The following GRM1 variants were observed in gnomAD, a reference collection of about 807,000 sequenced individuals.
The protein encoded by GRM1 is glutamate metabotropic receptor 1, also known as metabotropic glutamate receptor 1.
GRM1 carries 33 observed loss-of-function variants against 90.9 expected under a neutral mutation model. The observed-to-expected ratio is 0.36, with a 90% CI of 0.28 to 0.49. The LOEUF (loss-of-function observed/expected upper bound fraction) is 0.49, where lower values mean the gene tolerates loss of function less well. GRM1 is among the 20% of genes least tolerant of loss of function. The pLI, the probability that GRM1 is intolerant of heterozygous loss-of-function variation, is 0.99. For missense variants in GRM1, 1,190 were observed against 1,534.3 expected, an observed-to-expected ratio of 0.78 and a Z score of 3.75; for synonymous variants, 700 against 613.2, an observed-to-expected ratio of 1.14 and a Z score of -2.09.
At chr6:146,073,668 T>G in intron 1 of GRM1, among the ~76,000 whole-genome samples, 1 of 152,024 alleles carries the variant, frequency 6.6e-6, no homozygotes, top group East Asian at 1.9e-4. Flanking sequence ...AAACTGGTAA[T>G]GATGGGGGAA....
intron 3 of GRM1, among the ~76,000 whole-genome samples, chr6:146,325,399 A>G (rs1469923531): frequency 4.6e-5 from 7 of 152,236 alleles, no homozygotes; most frequent in African/African-American, 1.7e-4. Context: ...CTTTTCTAAC[A>G]AGAGATTGTT....
intron 3 of GRM1, among the ~76,000 whole-genome samples, chr6:146,311,028 G>A (rs1215262368): frequency 6.6e-6 from 1 of 152,208 alleles, no homozygotes; most frequent in African/African-American, 2.4e-5. Context: ...GTAATCCATG[G>A]AGCAATAGTT....
intron 5 of GRM1, among the ~76,000 whole-genome samples, chr6:146,386,305 G>A (rs542842896): frequency 6.6e-6 from 1 of 152,130 alleles, no homozygotes; most frequent in East Asian, 1.9e-4. Flanking sequence ...TTTGCTACCA[G>A]TACTTGTTAT....
intron 2 of GRM1, among the ~76,000 whole-genome samples, chr6:146,217,689 T>C (rs1255687629): frequency 6.6e-6 from 1 of 152,154 alleles, no homozygotes; most frequent in African/African-American, 2.4e-5. Context: ...TTTTGTGTGT[T>C]TTCAGCAAGA....
At chr6:146,415,337 T>A (rs1339183894) in intron 7 of GRM1, among the ~76,000 whole-genome samples, 3 of 152,184 alleles carry the variant, frequency 2.0e-5, no homozygotes, top group African/African-American at 7.2e-5. Context: ...ATCATCACAC[T>A]GGGAGTTAGG....
chr6:146,077,814 A>G (rs912832084), intron 1 of GRM1, among the ~76,000 whole-genome samples: 7 of 152,124 alleles, frequency 4.6e-5, no homozygotes, highest in Admixed American at 1.3e-4. Context: ...CATAGAGGTA[A>G]TTCTCTATTT....
In GRM1 at chr6:146,399,103, C is replaced by T. The variant is rs972007202; in HGVS notation, c.2064C>T (p.Gly688=). 3 of 1,613,974 alleles carry T rather than the reference C, an allele frequency of 1.9e-6. No homozygotes were observed. Among genetic ancestry groups the T allele is most frequent in the Non-Finnish European group, 2.5e-6 (3 of 1,179,990 alleles). ...ATCGTATTGCACGCATCCTGGCTGGCAGCAAGAAGAAGATCTGCACCCGGA... is the reference window on the plus strand; with the variant it reads ...ATCGTATTGCACGCATCCTGGCTGGTAGCAAGAAGAAGATCTGCACCCGGA... ...KTNRIARILA[G]SKKKICTRKP... Residue 688 remains glycine (G), a synonymous_variant, in exon 7 of 8, where the codon GGC becomes GGT. Transcript: ENST00000282753. This position sits in a 1 kb window ranked among gnomAD's most constrained non-coding sequence, Gnocchi z 5.4.
At chr6:146,075,567 G>C (rs1009138772) in intron 1 of GRM1, among the ~76,000 whole-genome samples, 1 of 152,158 alleles carries the variant, frequency 6.6e-6, no homozygotes, top group Admixed American at 6.6e-5. Flanking sequence ...TCTGCATAAA[G>C]GACTGAAAGT....
At chr6:146,176,527 GACTTGTTCAAGAGTTC>G (rs1778343849) in intron 2 of GRM1, among the ~76,000 whole-genome samples, 1 of 151,972 alleles carries the variant, frequency 6.6e-6, no homozygotes, top group East Asian at 1.9e-4. Flanking sequence ...TTAGTGTGTT[GACTTGTTCAAGAGTTC>G]ACTTGTTCAA....
At chr6:146,225,506 C>A (rs1445975453) in intron 2 of GRM1, among the ~76,000 whole-genome samples, 1 of 152,122 alleles carries the variant, frequency 6.6e-6, no homozygotes, top group Non-Finnish European at 1.5e-5. Flanking sequence ...AGAAGTCTTG[C>A]ACAGGCTATA....
intron 1 of GRM1, among the ~76,000 whole-genome samples, chr6:146,151,742 C>A (rs1453387540): frequency 6.6e-6 from 1 of 152,094 alleles, no homozygotes; most frequent in Non-Finnish European, 1.5e-5. Flanking sequence ...TCCTGAGATC[C>A]CATTTTACCC....
chr6:146,117,637 T>C (rs1280372674), intron 1 of GRM1, among the ~76,000 whole-genome samples: 1 of 152,120 alleles, frequency 6.6e-6, no homozygotes, highest in Non-Finnish European at 1.5e-5. Context: ...TGTTTCACTA[T>C]CTACTACAAA....
chr6:146,413,388 A>G (rs1562681838), intron 7 of GRM1, among the ~76,000 whole-genome samples: 1 of 152,130 alleles, frequency 6.6e-6, no homozygotes. Flanking sequence ...TTAGAAATGT[A>G]ATGCTCTCTT....
At chr6:146,028,924 C>T (rs897279495), upstream of GRM1, among the ~76,000 whole-genome samples, 3 of 152,128 alleles carry the variant, frequency 2.0e-5, no homozygotes, top group African/African-American at 4.8e-5. Flanking sequence ...AGTTAGAAAG[C>T]ATGATAGGTT....
chr6:146,282,174 C>T (rs951870476), intron 2 of GRM1, among the ~76,000 whole-genome samples: 9 of 152,276 alleles, frequency 5.9e-5, no homozygotes, highest in African/African-American at 1.9e-4. Context: ...CACACAGCAC[C>T]TTCTGACTAG....
chr6:146,301,249 AC>A (rs767853952), intron 2 of GRM1, among the ~76,000 whole-genome samples: 2 of 152,186 alleles, frequency 1.3e-5, no homozygotes, highest in East Asian at 1.9e-4. Context: ...AAGAGCAGGC[AC>A]CTATAGTGAG....
At chr6:146,247,304 A>G (rs1228901984) in intron 2 of GRM1, among the ~76,000 whole-genome samples, 1 of 152,206 alleles carries the variant, frequency 6.6e-6, no homozygotes, top group African/African-American at 2.4e-5. Flanking sequence ...GGCAAGGGTC[A>G]TATATCATTA....
chr6:146,200,911 T>A (rs1295542052), intron 2 of GRM1, among the ~76,000 whole-genome samples: 1 of 152,188 alleles, frequency 6.6e-6, no homozygotes, highest in Non-Finnish European at 1.5e-5. Flanking sequence ...ATTAGAAGCA[T>A]CCTGTGTCTT....
chr6:146,053,331 G>T (rs1209779965), intron 1 of GRM1, among the ~76,000 whole-genome samples: 1 of 151,858 alleles, frequency 6.6e-6, no homozygotes, highest in Non-Finnish European at 1.5e-5. Flanking sequence ...TGCTATGCTT[G>T]GTCATAATAT....
Sources: gnomAD v4.1 joint callset for allele counts (sites outside exome capture counted in the v4.1 genomes callset) on GRCh38, gnomAD v4.1.1 for gene constraint, Gnocchi (gnomAD v3.1) non-coding constraint, MANE v1.5 for transcripts, NCBI Gene and HGNC (gene_info 2026-07-23, HGNC 2026-07-21) for gene names.